PDZD9: variants seen among roughly 807,000 people sequenced by gnomAD.
The protein encoded by PDZD9 is PDZ domain-containing protein 9.
A neutral mutation model predicts 16.3 loss-of-function variants in PDZD9; 13 were observed. The observed-to-expected ratio is 0.80, with a 90% confidence interval of 0.52 to 1.27. PDZD9 has a LOEUF of 1.27. PDZD9 is among the 50% of genes most tolerant of loss of function. PDZD9 has a pLI of 0.00. For synonymous variants in PDZD9, 120 were observed against 111.0 expected (o/e 1.08, Z -0.51); for missense variants, 288 against 310.9 (o/e 0.93, Z 0.55).
At chr16:21,968,990 A>G in the PDZD9 span, among the ~76,000 whole-genome samples, 4 of 152,228 alleles carry the variant, frequency 2.6e-5, no homozygotes, top group African/African-American at 4.8e-5. Context: ...AGCTTACTAG[A>G]AAAACAGGCA....
downstream of PDZD9, chr16:21,983,377 T>A: frequency 1.9e-6 from 1 of 530,020 alleles, no homozygotes; most frequent in Non-Finnish European, 3.3e-6. Flanking sequence ...CTCAATGAGT[T>A]AATCAACAAG....
intron 1 of PDZD9, among the ~76,000 whole-genome samples, chr16:21,998,638 G>A (rs1899210415): frequency 2.0e-5 from 3 of 151,990 alleles, no homozygotes; most frequent in African/African-American, 7.2e-5. Flanking sequence ...GTTGCAGTGA[G>A]CTGAGATGGC....
chr16:21,979,450 G>C (rs1356196329), downstream of PDZD9, among the ~76,000 whole-genome samples: 1 of 152,170 alleles, frequency 6.6e-6, no homozygotes, highest in Non-Finnish European at 1.5e-5. Flanking sequence ...AGATGGTATA[G>C]CCTACTACAC....
chr16:21,997,421 C>T (rs1333652230), intron 1 of PDZD9, among the ~76,000 whole-genome samples: 4 of 152,186 alleles, frequency 2.6e-5, no homozygotes, highest in African/African-American at 9.7e-5. Flanking sequence ...CAGTCCCTGT[C>T]AGAGGAGGGG....
the PDZD9 span, among the ~76,000 whole-genome samples, chr16:21,970,958 G>A: frequency 2.0e-5 from 3 of 151,806 alleles, no homozygotes; most frequent in African/African-American, 7.3e-5. Context: ...AGTTGTAAAG[G>A]TTCTTTATAT....
At chr16:21,972,870 G>A in the PDZD9 span, among the ~76,000 whole-genome samples, 1 of 152,246 alleles carries the variant, frequency 6.6e-6, no homozygotes, top group Non-Finnish European at 1.5e-5. Context: ...GGGAGGCCAA[G>A]TTGGGCGGAT....
chr16:21,976,934 A>C, the PDZD9 span: 1 of 152,184 alleles, frequency 6.6e-6, no homozygotes, highest in Admixed American at 6.5e-5. Flanking sequence ...AGTTATAAAG[A>C]TATCTTTGGG....
At chr16:21,968,574 C>T in the PDZD9 span, 7 of 1,478,184 alleles carry the variant, frequency 4.7e-6, no homozygotes, top group African/African-American at 2.9e-5. Context: ...TATGTTTTTA[C>T]AGCTTTTTAT....
At chr16:21,971,802 GA>G in the PDZD9 span, 1 of 1,432,282 alleles carries the variant, frequency 7.0e-7, no homozygotes, top group Non-Finnish European at 9.6e-7. Flanking sequence ...ATGGCATGGG[GA>G]AAGCACCGAG....
Position 22,001,082 on chromosome 16 carries a change from C to G in PDZD9, c.-35G>C. On this transcript the variant is annotated 5_prime_UTR_variant, in exon 1 of 4. Coordinates refer to ENST00000424898, the MANE Select transcript of PDZD9 (RefSeq NM_001363519.1). ...AGGTCAGGCAGCCCGGGAGGGCCTC[C>G]CGGAGCAGAGGCTGGAGTCAGTCCC... The G allele has an allele frequency of 6.6e-7, 1 of 1,509,132 alleles. No homozygotes were observed. Among genetic ancestry groups the G allele is most frequent in the Non-Finnish European group, 8.8e-7 (1 of 1,134,078 alleles). 93.5% of individuals were successfully genotyped at this position (1,509,132 alleles called of 1,614,324 possible). A position where few individuals can be genotyped will look rare whatever the true frequency, so the allele number is the denominator to read the frequency against.
chr16:21,979,365 G>A (rs1020332927), downstream of PDZD9, among the ~76,000 whole-genome samples: 2 of 152,154 alleles, frequency 1.3e-5, no homozygotes, highest in South Asian at 2.1e-4. Context: ...GTCACATAAC[G>A]ATGGGGATAC....
intron 1 of PDZD9, chr16:21,998,878 G>A (rs1359889308): frequency 5.5e-5 from 11 of 199,542 alleles, no homozygotes; most frequent in African/African-American, 2.6e-4. Context: ...GCAATCTCCT[G>A]TCTCAAATGC....
At chr16:21,988,857 C>T in intron 2 of PDZD9, 66 bp from the exon 3 acceptor site, 14 of 1,289,300 alleles carry the variant, frequency 1.1e-5, no homozygotes, top group South Asian at 3.2e-5. Context: ...TGATTTCTGG[C>T]TTTATTGTGA....
rs1202235375 is a variant in PDZD9, at chr16:21,996,315, C to A, written c.211+7G>T. 1.9e-5 allele frequency: 29 copies of A among 1,533,658 alleles called. No individual in the cohort carries two copies. The highest frequency in any genetic ancestry group is 2.5e-5 in the Non-Finnish European group (29 of 1,145,936). ...GTGGTTGGGAAGCATGGCGAAAGGGCAATCACCTGGCTGGAGTTTCCCGTC... is the reference window on the plus strand; with the variant it reads ...GTGGTTGGGAAGCATGGCGAAAGGGAAATCACCTGGCTGGAGTTTCCCGTC... On this transcript the variant is annotated splice_region_variant and intron_variant, in intron 2 of 3. Coordinates refer to ENST00000424898, the MANE Select transcript of PDZD9 (RefSeq NM_001363519.1).
intron 2 of PDZD9, among the ~76,000 whole-genome samples, chr16:21,991,381 G>C (rs747431540): frequency 6.6e-6 from 1 of 152,102 alleles, no homozygotes; most frequent in African/African-American, 2.4e-5. Flanking sequence ...GACTGCAAGC[G>C]CATATGCCCA....
chr16:21,965,251 G>A, the PDZD9 span, among the ~76,000 whole-genome samples: 1 of 152,204 alleles, frequency 6.6e-6, no homozygotes, highest in East Asian at 1.9e-4. Context: ...GAAACTGGCA[G>A]TTACTAGAGG....
the PDZD9 span, chr16:21,968,450 G>A: frequency 2.2e-6 from 1 of 463,518 alleles, no homozygotes; most frequent in South Asian, 4.5e-5. Flanking sequence ...GTTCTTTTAA[G>A]CAATAGTTTT....
the PDZD9 span, chr16:21,976,909 T>C: frequency 6.6e-6 from 1 of 152,252 alleles, no homozygotes; most frequent in African/African-American, 2.4e-5. Context: ...CAAAATACAC[T>C]TGTGCATTTT....
At chr16:21,962,323 G>A in the PDZD9 span, 1 of 983,084 alleles carries the variant, frequency 1.0e-6, no homozygotes, top group African/African-American at 1.6e-5. Context: ...TTAATATGTG[G>A]AGTTTTGTTA....
Sources: allele counts gnomAD v4.1 joint callset (sites outside exome capture counted in the v4.1 genomes callset), GRCh38; gene constraint gnomAD v4.1.1; transcripts MANE v1.5; gene names NCBI Gene and HGNC (gene_info 2026-07-23, HGNC 2026-07-21).